BRAP: variants seen among roughly 807,000 people sequenced by gnomAD.
BRAP encodes the protein BRCA1-associated protein.
A neutral mutation model predicts 73.4 loss-of-function variants in BRAP; 42 were observed. The observed-to-expected ratio is 0.57, with a 90% CI of 0.45 to 0.74. BRAP has a LOEUF of 0.74. Ranked by LOEUF, BRAP falls within the 30% of genes least tolerant of loss-of-function variation. The probability of loss-of-function intolerance (pLI) is 0.00; values close to 1 mark genes in which losing one functional copy is unlikely to be tolerated. For synonymous variants in BRAP, 255 were observed against 267.4 expected (o/e 0.95, Z 0.45); for missense variants, 593 against 751.4 (o/e 0.79, Z 2.46).
At position 111,659,270 on chromosome 12, in the gene BRAP, C is replaced by T. The variant is rs916872025; in HGVS notation, c.1048G>A (p.Glu350Lys). The T allele has an allele frequency of 1.9e-6, 3 of 1,614,162 alleles. No individual in the cohort carries two copies. Among genetic ancestry groups the T allele is most frequent in the Non-Finnish European group, 1.7e-6 (2 of 1,180,022 alleles). Reference protein sequence around the residue: ...YVSRHAYKHFEETQHTYAMQL... With the variant: ...YVSRHAYKHFKETQHTYAMQL... ...ATGGCATACGTGTGCTGCGTTTCCT[C>T]AAAGTGCTTATAAGCATGTCGACTG... is the stretch of plus-strand genomic sequence containing the variant. The change falls in exon 8 of 12, where the codon GAG becomes AAG. Residue 350 changes from glutamate (E) to lysine (K), a missense_variant. Glu to Lys is a moderately conservative substitution (Grantham distance 56). Coordinates refer to ENST00000419234, the MANE Select transcript of BRAP (RefSeq NM_006768.5).
chr12:111,681,716 G>A lies in BRAP; in HGVS notation c.364C>T (p.Leu122Phe). The stretch of plus-strand genomic sequence containing the variant: ...CTGAAGAATGAAATCTGGTCTGGAA[G>A]CTGTTTGGACGGAGAATCTGGGGCA... ...NAAPDSPSKQ[L>F]PDQISFFSGN... The change falls in exon 3 of 12, where the codon CTT becomes TTT. Residue 122 changes from leucine to phenylalanine, a missense_variant. This residue lies in a region of BRAP where 304 missense variants were observed against 337.7 expected (regional missense o/e 0.90). Transcript: ENST00000419234. 8 of 1,614,074 alleles carry A rather than the reference G, an allele frequency of 5.0e-6. No homozygotes were observed. Among genetic ancestry groups the A allele is most frequent in the Non-Finnish European group, 5.9e-6 (7 of 1,179,974 alleles).
chr12:111,684,928 C>T (rs976039476), intron 1 of BRAP, among the ~76,000 whole-genome samples: 3 of 152,288 alleles, frequency 2.0e-5, no homozygotes. Context: ...CTCGGCCTCC[C>T]AAAGTGTGAG....
chr12:111,666,914 A>G (rs1309198639), intron 5 of BRAP, among the ~76,000 whole-genome samples: 2 of 152,228 alleles, frequency 1.3e-5, no homozygotes, highest in African/African-American at 4.8e-5. Context: ...GCCCAATTTT[A>G]TCACGTCAAT....
At chr12:111,684,373 A>C (rs1887717901) in intron 1 of BRAP, among the ~76,000 whole-genome samples, 1 of 152,182 alleles carries the variant, frequency 6.6e-6, no homozygotes, top group South Asian at 2.1e-4. Context: ...TAAGCTATAA[A>C]GTCATATTCA....
chr12:111,676,949 A>G (rs1887406178), intron 4 of BRAP, among the ~76,000 whole-genome samples: 1 of 152,212 alleles, frequency 6.6e-6, no homozygotes, highest in Admixed American at 6.5e-5. Flanking sequence ...AATAAATAAT[A>G]CAACTCATGA....
At chr12:111,649,045 C>CT (rs1348097613) in intron 11 of BRAP, among the ~76,000 whole-genome samples, 1 of 152,118 alleles carries the variant, frequency 6.6e-6, no homozygotes, top group African/African-American at 2.4e-5. Context: ...CCGGTTTTTA[C>CT]TTTGTATTCT....
At chr12:111,682,497 CAAAAAAAAA>C (rs11366915) in intron 2 of BRAP, among the ~76,000 whole-genome samples, 2 of 77,906 alleles carry the variant, frequency 2.6e-5, no homozygotes, top group Non-Finnish European at 2.4e-5. Context: ...GAGACTGTCT[CAAAAAAAAA>C]AAAAAAAAAA....
rs115363523 is a variant in BRAP, at chr12:111,678,355, C to A, written c.633+796G>T. On this transcript the variant is annotated intron_variant, in intron 4 of 11. Coordinates refer to ENST00000419234, the MANE Select transcript of BRAP (RefSeq NM_006768.5). ...ACCACCGCTTTTCTGGAATAGTTACCGCTTGTTTAAAAAAACAAACAGGCC... is the reference window on the plus strand; with the variant it reads ...ACCACCGCTTTTCTGGAATAGTTACAGCTTGTTTAAAAAAACAAACAGGCC... Among the ~76,000 whole-genome samples, 778 of 151,640 alleles carry A rather than the reference C, an allele frequency of 5.1e-3. 2 individuals carry two copies. The highest frequency in any genetic ancestry group is 0.018 in the African/African-American group (731 of 41,330).
In BRAP at chr12:111,672,747, A is replaced by G; in HGVS notation, c.661T>C (p.Cys221Arg). The change falls in exon 5 of 12, where the codon TGC becomes CGC. Residue 221 changes from cysteine (C) to arginine (R), a missense_variant. Around this residue, in one of 4 missense-constraint regions of BRAP, gnomAD observed 304 missense variants for 337.7 expected, o/e 0.90. Transcript: ENST00000419234. ...QADADSFYMT[C>R]NGRQFNSIED... Reference sequence around the variant, plus strand: ...ATTGAGTTGAACTGGCGGCCATTGCATGTCATATAAAAACTATCCGCATCA... The same window carrying G: ...ATTGAGTTGAACTGGCGGCCATTGCGTGTCATATAAAAACTATCCGCATCA... The G allele has an allele frequency of 6.2e-7, 1 of 1,614,106 alleles. No individual in the cohort carries two copies. Among genetic ancestry groups the G allele is most frequent in the Non-Finnish European group, 8.5e-7 (1 of 1,180,018 alleles).
chr12:111,649,836 A>T lies in BRAP; in HGVS notation c.1415+103T>A, dbSNP rs1474625377. 5.0e-5 allele frequency: 40 copies of T among 792,250 alleles called. No homozygotes were observed. The East Asian group carries it at 9.9e-4, about 20-fold the overall frequency. The allele number at this position is 792,250 out of a possible 1,614,324, so 49.1% of individuals were successfully genotyped here. Reference sequence around the variant, plus strand: ...TCCATATATAGGGAGACTCCTGAAAACCTGGTGATACATATATTTGAAAAT... The same window carrying T: ...TCCATATATAGGGAGACTCCTGAAATCCTGGTGATACATATATTTGAAAAT... On this transcript the variant is annotated intron_variant, in intron 11 of 11. Transcript: ENST00000419234.
At chr12:111,678,794 A>G (rs949597072) in intron 4 of BRAP, among the ~76,000 whole-genome samples, 5 of 148,880 alleles carry the variant, frequency 3.4e-5, no homozygotes, top group African/African-American at 5.0e-5. Context: ...GCAAAACCCT[A>G]AACTTCATAC....
At chr12:111,671,937 G>A (rs541153673) in intron 5 of BRAP, among the ~76,000 whole-genome samples, 15 of 151,980 alleles carry the variant, frequency 9.9e-5, no homozygotes, top group Admixed American at 5.2e-4. Flanking sequence ...CCATCACCTC[G>A]GCCTCCCAAC....
chr12:111,642,934 C>T lies in BRAP; in HGVS notation c.*1265G>A, dbSNP rs1240140227. 1 of 152,150 alleles carries T rather than the reference C, an allele frequency of 6.6e-6. No individual in the cohort carries two copies. Among genetic ancestry groups the T allele is most frequent in the African/African-American group, 2.4e-5 (1 of 41,450 alleles). 9.4% of individuals were successfully genotyped at this position (152,150 alleles called of 1,614,324 possible). On this transcript the variant is annotated 3_prime_UTR_variant, in exon 12 of 12. Coordinates refer to ENST00000419234, the MANE Select transcript of BRAP (RefSeq NM_006768.5). Reference sequence around the variant, plus strand: ...ATGAGGCCTAATTACAGGCTAAAAACCTATTCTGAAATGTGATCATTTGAA... The same window carrying T: ...ATGAGGCCTAATTACAGGCTAAAAATCTATTCTGAAATGTGATCATTTGAA...
chr12:111,666,546 A>G (rs1487308083), intron 5 of BRAP, among the ~76,000 whole-genome samples: 1 of 152,210 alleles, frequency 6.6e-6, no homozygotes, highest in Non-Finnish European at 1.5e-5. Context: ...TAAGTCCAAA[A>G]AACAGTCAGC....
Position 111,685,762 on chromosome 12 carries a change from C to T in BRAP, c.31G>A (p.Glu11Lys). MSVSLVVIRLELAEHSPVPAG... is the reference protein window; with the variant it reads MSVSLVVIRLKLAEHSPVPAG... ...GGGACAGGCGAGTGTTCCGCGAGCTCCAATCGGATAACAACCAGTGACACA... is the reference window on the plus strand; with the variant it reads ...GGGACAGGCGAGTGTTCCGCGAGCTTCAATCGGATAACAACCAGTGACACA... Residue 11 changes from glutamate (E) to lysine (K), a missense_variant, in exon 1 of 12, where the codon GAG (glutamate) becomes AAG (lysine). By Grantham distance (56) the Glu-to-Lys change is moderately conservative. This residue lies in a region of BRAP where 304 missense variants were observed against 337.7 expected (regional missense o/e 0.90). Coordinates refer to ENST00000419234, the MANE Select transcript of BRAP (RefSeq NM_006768.5). 4 of 1,610,622 alleles carry T rather than the reference C, an allele frequency of 2.5e-6. No homozygotes were observed. Among genetic ancestry groups the T allele is most frequent in the Non-Finnish European group, 3.4e-6 (4 of 1,179,012 alleles).
At chr12:111,669,992 A>G in intron 5 of BRAP, 1 of 650,148 alleles carries the variant, frequency 1.5e-6, no homozygotes, top group Non-Finnish European at 2.9e-6. Flanking sequence ...AATATTCTTC[A>G]TCTTCATCTT....
chr12:111,659,165 C>T (rs1197127629), intron 8 of BRAP, 42 bp downstream of exon 8: 1 of 1,589,682 alleles, frequency 6.3e-7, no homozygotes, highest in East Asian at 2.3e-5. Context: ...GCAAAGTTTC[C>T]ACACAGAATG....
intron 10 of BRAP, among the ~76,000 whole-genome samples, chr12:111,652,564 A>G (rs1886368973): frequency 6.6e-6 from 1 of 152,212 alleles, no homozygotes; most frequent in Non-Finnish European, 1.5e-5. Flanking sequence ...GTTAACAACG[A>G]TTTAAATTAG....
At position 111,655,470 on chromosome 12, in the gene BRAP, A is replaced by G. The variant is rs1886493443; in HGVS notation, c.1311+96T>C. On this transcript the variant is annotated intron_variant, in intron 10 of 11. Transcript: ENST00000419234. ...TACCTGCCTGAGAAGGGAAGATGGTAAGATTCCTCTTTCCCTGTACTCTGC... is the reference window on the plus strand; with the variant it reads ...TACCTGCCTGAGAAGGGAAGATGGTGAGATTCCTCTTTCCCTGTACTCTGC... The G allele has an allele frequency of 6.1e-6, 6 of 982,126 alleles. No individual in the cohort carries two copies. In the Admixed American group the frequency reaches 1.0e-4, roughly 17 times the overall value. The allele number at this position is 982,126 out of a possible 1,614,324, so 60.8% of individuals were successfully genotyped here. A position where few individuals can be genotyped will look rare whatever the true frequency, so the allele number is the denominator to read the frequency against.
Sources: allele counts gnomAD v4.1 joint callset (sites outside exome capture counted in the v4.1 genomes callset), GRCh38; gene constraint gnomAD v4.1.1; regional missense constraint gnomAD v4.1.1; transcripts MANE v1.5; gene names NCBI Gene and HGNC (gene_info 2026-07-23, HGNC 2026-07-21).